The following LITAF variants were observed in gnomAD, a reference collection of about 807,000 sequenced individuals.
The protein encoded by LITAF is lipopolysaccharide induced TNF factor.
In LITAF, 9 loss-of-function variants were observed where a neutral mutation model predicts 14.5. The ratio of observed to expected loss-of-function variants is 0.62; its 90% CI spans 0.37 to 1.08. The LOEUF is 1.08. Among genes scored for constraint, LITAF ranks in the 50% least tolerant of loss-of-function variants. The pLI is 0.01. For synonymous variants in LITAF, 98 were observed against 88.2 expected (o/e 1.11, Z -0.62); for missense variants, 206 against 213.4 (o/e 0.97, Z 0.22).
intron 1 of LITAF, among the ~76,000 whole-genome samples, chr16:11,592,754 G>T (rs1462923858): frequency 6.6e-6 from 1 of 152,024 alleles, no homozygotes; most frequent in African/African-American, 2.4e-5. Flanking sequence ...AAAAATTTGG[G>T]GTCGGGCACG....
chr16:11,578,428 G>A (rs576645894), intron 1 of LITAF, among the ~76,000 whole-genome samples: 6 of 152,260 alleles, frequency 3.9e-5, no homozygotes, highest in Non-Finnish European at 8.8e-5. Context: ...CTACTCAGGA[G>A]GCTGAGGCAG....
chr16:11,617,837 G>A (rs921661082), intron 3 of LITAF, among the ~76,000 whole-genome samples: 1 of 151,796 alleles, frequency 6.6e-6, no homozygotes, highest in Non-Finnish European at 1.5e-5. Flanking sequence ...CCTTCCCTCC[G>A]TAACCTATTT....
upstream of LITAF, among the ~76,000 whole-genome samples, chr16:11,599,678 G>C (rs2064915579): frequency 6.6e-6 from 1 of 152,068 alleles, no homozygotes; most frequent in South Asian, 2.1e-4. Context: ...GAGAACTCTA[G>C]AGCCCTGTGT....
chr16:11,554,584 G>A (rs965731904), intron 2 of LITAF, among the ~76,000 whole-genome samples: 1 of 152,046 alleles, frequency 6.6e-6, no homozygotes, highest in African/African-American at 2.4e-5. Flanking sequence ...CCAGAGGTCA[G>A]GAGTTCAAGA....
intron 3 of LITAF, among the ~76,000 whole-genome samples, chr16:11,550,736 T>A (rs756503384): frequency 1.3e-5 from 2 of 152,066 alleles, no homozygotes; most frequent in Non-Finnish European, 2.9e-5. Context: ...CCTCAAGTGA[T>A]CCTTCCACCT....
upstream of LITAF, among the ~76,000 whole-genome samples, chr16:11,637,914 C>CTATATA: frequency 2.0e-5 from 1 of 49,164 alleles, no homozygotes; most frequent in African/African-American, 1.8e-4. Flanking sequence ...ATATATATAT[C>CTATATA]TATATCTATA....
At chr16:11,599,031 GCTGGTTTCAAACTCCTGACCTCAGGTGAT>G (rs923513449), upstream of LITAF, among the ~76,000 whole-genome samples, 14 of 151,894 alleles carry the variant, frequency 9.2e-5, no homozygotes, top group Non-Finnish European at 8.8e-5. Context: ...TGTTGGCCAG[GCTGGTTTCAAACTCCTGACCTCAGGTGAT>G]CTGCCCATCT....
intron 3 of LITAF, among the ~76,000 whole-genome samples, chr16:11,630,570 CTTT>C (rs66732953): frequency 2.6e-5 from 3 of 114,234 alleles, no homozygotes. Flanking sequence ...CCCTGGCCAA[CTTT>C]TTTTTTTTTT....
intron 2 of LITAF, among the ~76,000 whole-genome samples, chr16:11,555,658 CAAA>C (rs5815645): frequency 2.9e-4 from 35 of 122,000 alleles, no homozygotes; most frequent in Non-Finnish European, 3.1e-4. Context: ...GACCCTGTCT[CAAA>C]AAAAAAAAAA....
At chr16:11,620,143 A>G (rs2065041057) in intron 3 of LITAF, among the ~76,000 whole-genome samples, 1 of 149,598 alleles carries the variant, frequency 6.7e-6, no homozygotes, top group Non-Finnish European at 1.5e-5. Flanking sequence ...ACTCCAGCCT[A>G]GAGGACAGAG....
At chr16:11,575,105 A>C (rs1200174685) in intron 1 of LITAF, among the ~76,000 whole-genome samples, 3 of 151,994 alleles carry the variant, frequency 2.0e-5, no homozygotes, top group African/African-American at 7.2e-5. Flanking sequence ...ACCCGGCCTA[A>C]AGTTCTTTTT....
intron 3 of LITAF, among the ~76,000 whole-genome samples, chr16:11,622,224 C>G (rs2065055197): frequency 6.6e-6 from 1 of 152,216 alleles, no homozygotes; most frequent in South Asian, 2.1e-4. Flanking sequence ...GAGACCCCAG[C>G]TGGAAGCATC....
intron 1 of LITAF, among the ~76,000 whole-genome samples, chr16:11,563,969 T>G (rs2064413378): frequency 6.6e-6 from 1 of 152,080 alleles, no homozygotes; most frequent in Non-Finnish European, 1.5e-5. Context: ...TGTAGTGGCA[T>G]GATTTCAGCT....
At chr16:11,618,982 TAAAA>T (rs1411165936) in intron 3 of LITAF, among the ~76,000 whole-genome samples, 1 of 120,988 alleles carries the variant, frequency 8.3e-6, no homozygotes, top group African/African-American at 3.7e-5. Context: ...GACTCGGTCT[TAAAA>T]AAAAAACAAA....
upstream of LITAF, among the ~76,000 whole-genome samples, chr16:11,602,781 A>AAT (rs1375683394): frequency 7.0e-6 from 1 of 143,728 alleles, no homozygotes; most frequent in Non-Finnish European, 1.5e-5. Flanking sequence ...AAAAAAAAAA[A>AAT]TTGGAAAGCC....
upstream of LITAF, among the ~76,000 whole-genome samples, chr16:11,602,755 T>G (rs1412746090): frequency 8.3e-6 from 1 of 120,660 alleles, no homozygotes. Context: ...CACTGTGGCT[T>G]GTTGCAAAAA....
intron 3 of LITAF, among the ~76,000 whole-genome samples, chr16:11,628,351 G>C (rs563410963): frequency 6.6e-6 from 1 of 152,224 alleles, no homozygotes; most frequent in Non-Finnish European, 1.5e-5. Flanking sequence ...ACTCTTTCTA[G>C]AGTTCCAAGT....
chr16:11,617,502 C>G (rs1269378526), intron 3 of LITAF, among the ~76,000 whole-genome samples: 1 of 140,138 alleles, frequency 7.1e-6, no homozygotes, highest in East Asian at 2.3e-4. Flanking sequence ...GCACAACTCA[C>G]TGCAACTTCT....
At chr16:11,607,687 A>G (rs917786478) in intron 3 of LITAF, among the ~76,000 whole-genome samples, 1 of 152,202 alleles carries the variant, frequency 6.6e-6, no homozygotes, top group Non-Finnish European at 1.5e-5. Context: ...GCAAAAAAAA[A>G]TTTAATAAAT....
Sources: allele counts gnomAD v4.1 joint callset (sites outside exome capture counted in the v4.1 genomes callset), GRCh38; gene constraint gnomAD v4.1.1; transcripts MANE v1.5; gene names NCBI Gene and HGNC (gene_info 2026-07-23, HGNC 2026-07-21).